SLC41A2: variants seen among roughly 807,000 people sequenced by gnomAD.
SLC41A2 encodes solute carrier family 41 member 2.
SLC41A2 carries 32 observed loss-of-function variants against 58.3 expected under a neutral mutation model. That is an observed-to-expected ratio of 0.55 (90% CI 0.41 to 0.74). The LOEUF is 0.74. Ranked by LOEUF, SLC41A2 falls within the 30% of genes least tolerant of loss-of-function variation. The pLI is 0.00. For synonymous variants in SLC41A2, 190 were observed against 235.0 expected, an observed-to-expected ratio of 0.81 and a Z score of 1.75; for missense variants, 514 against 680.6, an observed-to-expected ratio of 0.76 and a Z score of 2.72.
At chr12:104,934,558 G>A (rs1296242610) in intron 1 of SLC41A2, among the ~76,000 whole-genome samples, 3 of 151,972 alleles carry the variant, frequency 2.0e-5, no homozygotes, top group Non-Finnish European at 4.4e-5. Context: ...TTAAAATCAT[G>A]GCTTGGGATT....
chr12:104,863,701 A>T (rs762195811), intron 7 of SLC41A2, among the ~76,000 whole-genome samples: 27 of 151,932 alleles, frequency 1.8e-4, no homozygotes, highest in Non-Finnish European at 3.1e-4. Flanking sequence ...TCCCTTCCCA[A>T]ATCCCTTCCT....
At chr12:104,809,848 GAA>G (rs139017838) in intron 10 of SLC41A2, among the ~76,000 whole-genome samples, 2,781 of 152,140 alleles carry the variant, frequency 0.018, 31 homozygotes, top group African/African-American at 0.034. Context: ...CAGACTGAGA[GAA>G]AGAGAGTCAT....
At chr12:104,898,354 G>A (rs539660997) in intron 3 of SLC41A2, among the ~76,000 whole-genome samples, 1 of 152,076 alleles carries the variant, frequency 6.6e-6, no homozygotes, top group African/African-American at 2.4e-5. Flanking sequence ...TTAGTTATAA[G>A]CAAGACTTAG....
intron 10 of SLC41A2, among the ~76,000 whole-genome samples, chr12:104,823,372 T>G (rs1043594748): frequency 1.3e-5 from 2 of 152,106 alleles, no homozygotes; most frequent in Non-Finnish European, 2.9e-5. Flanking sequence ...TTTTTAAAAC[T>G]AAAATCAACA....
chr12:104,869,390 C>A (rs1023836265), intron 6 of SLC41A2, among the ~76,000 whole-genome samples: 1 of 152,042 alleles, frequency 6.6e-6, no homozygotes, highest in Admixed American at 6.6e-5. Flanking sequence ...GATATACACA[C>A]GTACATAGAC....
chr12:104,874,383 C>G (rs1255769542), intron 6 of SLC41A2, among the ~76,000 whole-genome samples: 1 of 152,062 alleles, frequency 6.6e-6, no homozygotes, highest in Non-Finnish European at 1.5e-5. Context: ...CAAATGCTGC[C>G]CGATTTTTTG....
At position 104,909,658 on chromosome 12, in the gene SLC41A2, A is replaced by G. The variant is rs919210337; in HGVS notation, c.660T>C (p.Thr220=). 2 of 1,604,396 alleles carry G rather than the reference A, an allele frequency of 1.2e-6. No homozygotes were observed. The highest frequency in any genetic ancestry group is 1.7e-6 in the Non-Finnish European group (2 of 1,174,732). Residue 220 remains threonine, a synonymous_variant, in exon 3 of 11, where the codon ACT becomes ACC. Coordinates refer to ENST00000258538, the MANE Select transcript of SLC41A2 (RefSeq NM_001352171.3). ...TTTGAGGTAGGAAAAAACTTACTGC[A>G]GTGGATAATCTGGATGCCAATGTCA... is the stretch of plus-strand genomic sequence containing the variant. The part of the protein sequence containing the change: ...LEMTLASRLS[T]AVNIGKMDSP...
At chr12:104,806,967 C>A (rs1421667730) in intron 10 of SLC41A2, among the ~76,000 whole-genome samples, 1 of 151,918 alleles carries the variant, frequency 6.6e-6, no homozygotes, top group South Asian at 2.1e-4. Context: ...GGTTATTAGC[C>A]CTTTGTCAGA....
At chr12:104,859,881 C>T (rs901970064) in intron 8 of SLC41A2, among the ~76,000 whole-genome samples, 7 of 151,688 alleles carry the variant, frequency 4.6e-5, no homozygotes, top group Non-Finnish European at 1.0e-4. Flanking sequence ...GGACTACAGG[C>T]GTGTACCACC....
chr12:104,808,423 G>C (rs2041021854), intron 10 of SLC41A2, among the ~76,000 whole-genome samples: 1 of 152,194 alleles, frequency 6.6e-6, no homozygotes, highest in Admixed American at 6.5e-5. Context: ...AAGCCCACTT[G>C]ATCATGGTGG....
At chr12:104,830,251 G>T (rs1340500393) in intron 10 of SLC41A2, among the ~76,000 whole-genome samples, 1 of 152,168 alleles carries the variant, frequency 6.6e-6, no homozygotes, top group African/African-American at 2.4e-5. Flanking sequence ...AGGACCTCCT[G>T]CAGATAGCAA....
intron 8 of SLC41A2, among the ~76,000 whole-genome samples, chr12:104,853,718 T>TGTATGTAC (rs2042890184): frequency 7.5e-6 from 1 of 132,618 alleles, no homozygotes; most frequent in Admixed American, 7.2e-5. Context: ...AATGTATGTA[T>TGTATGTAC]GTATGTATGT....
chr12:104,842,537 T>C (rs1051412015), intron 10 of SLC41A2, among the ~76,000 whole-genome samples: 17 of 152,152 alleles, frequency 1.1e-4, no homozygotes, highest in Admixed American at 2.0e-4. Flanking sequence ...CTAACACTTA[T>C]ATAGCATCTG....
intron 6 of SLC41A2, among the ~76,000 whole-genome samples, chr12:104,876,514 CTCTT>C (rs2044052555): frequency 3.3e-5 from 5 of 151,820 alleles, no homozygotes; most frequent in Admixed American, 6.6e-5. Flanking sequence ...CTTCTTTGAC[CTCTT>C]GGTTGTTCAG....
intron 6 of SLC41A2, among the ~76,000 whole-genome samples, chr12:104,876,329 C>T (rs1005715322): frequency 6.6e-6 from 1 of 151,932 alleles, no homozygotes; most frequent in Non-Finnish European, 1.5e-5. Flanking sequence ...TTTCCTAGTT[C>T]CTTGAGGTGT....
intron 10 of SLC41A2, among the ~76,000 whole-genome samples, chr12:104,825,446 A>T (rs1477876582): frequency 1.3e-5 from 2 of 152,206 alleles, no homozygotes; most frequent in Non-Finnish European, 2.9e-5. Context: ...ACCAGGAAAA[A>T]GATATAAGAA....
chr12:104,853,911 A>ATTATTATTATTATT lies in SLC41A2; in HGVS notation c.1255+7379_1255+7380insAATAATAATAATAA. On this transcript the variant is annotated intron_variant, in intron 8 of 10. Coordinates refer to ENST00000258538, the MANE Select transcript of SLC41A2 (RefSeq NM_001352171.3). ...GGGTGCATGTCACCATGCCTGGCTG[A>ATTATTATTATTATT]TTTTTTTTTTTTTTTTTTTTTTTTT... Among the ~76,000 whole-genome samples the ATTATTATTATTATT allele has an allele frequency of 5.7e-4, 34 of 59,498 alleles. 3 individuals are homozygous for ATTATTATTATTATT. The highest frequency in any genetic ancestry group is 1.0e-3 in the South Asian group (2 of 2,004). The allele number at this position is 59,498 out of a possible 152,430, so 39.0% of individuals were successfully genotyped here.
At chr12:104,850,007 T>C (rs1312766178) in intron 8 of SLC41A2, among the ~76,000 whole-genome samples, 1 of 152,162 alleles carries the variant, frequency 6.6e-6, no homozygotes, top group Non-Finnish European at 1.5e-5. Context: ...TATGAAGGAC[T>C]CCATTTAAAT....
intron 10 of SLC41A2, among the ~76,000 whole-genome samples, chr12:104,812,158 C>T (rs1320006500): frequency 6.6e-6 from 1 of 152,210 alleles, no homozygotes; most frequent in Non-Finnish European, 1.5e-5. Context: ...CAGATGCTCA[C>T]ATTTGGAGGC....
Sources: allele counts gnomAD v4.1 joint callset (sites outside exome capture counted in the v4.1 genomes callset), GRCh38; gene constraint gnomAD v4.1.1; transcripts MANE v1.5; gene names NCBI Gene and HGNC (gene_info 2026-07-23, HGNC 2026-07-21).